Variants in LRRC1 observed in about 807,000 individuals in gnomAD.
LRRC1 encodes the protein leucine rich repeat containing 1.
In LRRC1, 28 loss-of-function variants were observed where a neutral mutation model predicts 69.9. The observed-to-expected ratio is 0.40, with a 90% confidence interval of 0.30 to 0.55. The LOEUF (loss-of-function observed/expected upper bound fraction) is 0.55, where lower values mean the gene tolerates loss of function less well. Among genes scored for constraint, LRRC1 ranks in the 20% least tolerant of loss-of-function variants. The pLI is 0.47. For synonymous variants in LRRC1, 236 were observed against 240.2 expected, an observed-to-expected ratio of 0.98 and a Z score of 0.16; for missense variants, 498 against 609.0, an observed-to-expected ratio of 0.82 and a Z score of 1.92.
intron 1 of LRRC1, among the ~76,000 whole-genome samples, chr6:53,836,176 G>C (rs3001007): frequency 0.27 from 40,315 of 152,074 alleles, 5,485 homozygotes; most frequent in African/African-American, 0.29. Context: ...ACATAGCAGT[G>C]AGGCCAGCAT....
chr6:53,920,886 T>C, intron 13 of LRRC1, 125 bp downstream of exon 13: 1 of 1,105,492 alleles, frequency 9.0e-7, no homozygotes, highest in South Asian at 1.6e-5. Flanking sequence ...CATTTAGGAA[T>C]TTTTTTAGAA....
chr6:53,856,537 T>G (rs1405365027), intron 2 of LRRC1, among the ~76,000 whole-genome samples: 1 of 152,188 alleles, frequency 6.6e-6, no homozygotes, highest in Non-Finnish European at 1.5e-5. Flanking sequence ...TATCTGCATT[T>G]GTCTCAGAAG....
intron 1 of LRRC1, among the ~76,000 whole-genome samples, chr6:53,830,942 A>G (rs1263252469): frequency 3.0e-5 from 1 of 33,566 alleles, no homozygotes; most frequent in Non-Finnish European, 7.0e-5. Context: ...AATAGTTATT[A>G]TAATTTTATA....
intron 10 of LRRC1, 68 bp downstream of exon 10, chr6:53,904,530 A>G: frequency 9.1e-7 from 1 of 1,101,854 alleles, no homozygotes; most frequent in Non-Finnish European, 1.3e-6. Context: ...TAAGGGATCA[A>G]AAATGTCAAA....
chr6:53,862,788 T>A (rs549414269), intron 2 of LRRC1, among the ~76,000 whole-genome samples: 7 of 152,312 alleles, frequency 4.6e-5, no homozygotes, highest in Admixed American at 1.3e-4. Flanking sequence ...TGGAATAATA[T>A]GATAAATGGG....
chr6:53,848,130 C>T (rs1330928167), intron 2 of LRRC1, among the ~76,000 whole-genome samples: 1 of 152,174 alleles, frequency 6.6e-6, no homozygotes, highest in Admixed American at 6.5e-5. Context: ...CAGGAGACAT[C>T]CAGCAAAGGG....
At chr6:53,882,063 G>A (rs1767308659) in intron 3 of LRRC1, among the ~76,000 whole-genome samples, 1 of 152,182 alleles carries the variant, frequency 6.6e-6, no homozygotes, top group Non-Finnish European at 1.5e-5. Context: ...TGTTAAGAAA[G>A]TAGCAGTTGT....
chr6:53,800,948 A>G (rs1764467620), intron 1 of LRRC1, among the ~76,000 whole-genome samples: 1 of 152,192 alleles, frequency 6.6e-6, no homozygotes. Flanking sequence ...CCAATAATAC[A>G]TTTTTTAAAA....
chr6:53,873,282 G>A (rs12661938), intron 2 of LRRC1, among the ~76,000 whole-genome samples: 37,783 of 141,888 alleles, frequency 0.27, 4,926 homozygotes, highest in East Asian at 0.31. Context: ...AAGTGCTACC[G>A]ATTTTTCTTT....
chr6:53,868,261 C>A (rs539802025), intron 2 of LRRC1, among the ~76,000 whole-genome samples: 1 of 148,434 alleles, frequency 6.7e-6, no homozygotes, highest in South Asian at 2.1e-4. Flanking sequence ...TCACTCTGTG[C>A]CTTAGGCTGG....
intron 1 of LRRC1, among the ~76,000 whole-genome samples, chr6:53,837,919 T>C (rs1241617731): frequency 6.6e-6 from 1 of 152,204 alleles, no homozygotes; most frequent in Non-Finnish European, 1.5e-5. Context: ...TGCATATAAT[T>C]GTACAGAATG....
In LRRC1 at chr6:53,795,305, A is replaced by T. The variant is rs146917621; in HGVS notation, c.49A>T (p.Ile17Phe). 55 of 1,613,238 alleles carry T rather than the reference A, an allele frequency of 3.4e-5. No individual in the cohort carries two copies. Among genetic ancestry groups the T allele is most frequent in the Non-Finnish European group, 4.6e-5 (54 of 1,179,916 alleles). The part of the protein sequence containing the change: ...LWRCNRHVES[I>F]DKRHCSLVYV... ...GCGGTGCAACCGTCATGTGGAGAGC[A>T]TCGACAAGCGCCACTGCTCGCTGGT... Residue 17 changes from isoleucine to phenylalanine, a missense_variant, in exon 1 of 14, where the codon ATC becomes TTC. Ile to Phe is a conservative substitution (Grantham distance 21, BLOSUM62 0). Transcript: ENST00000370888.
chr6:53,855,678 G>C (rs894073351), intron 2 of LRRC1, among the ~76,000 whole-genome samples: 2 of 152,166 alleles, frequency 1.3e-5, no homozygotes, highest in Admixed American at 6.5e-5. Context: ...GTGCCCATTT[G>C]ACATTAGCCA....
chr6:53,896,939 A>G, intron 6 of LRRC1, 47 bp downstream of exon 6: 3 of 1,245,208 alleles, frequency 2.4e-6, no homozygotes, highest in Non-Finnish European at 3.5e-6. Context: ...TTTAGTTATG[A>G]TCACACAGTA....
chr6:53,829,830 G>T (rs78769964), intron 1 of LRRC1, among the ~76,000 whole-genome samples: 28,969 of 152,066 alleles, frequency 0.19, 2,993 homozygotes, highest in Middle Eastern at 0.33. Flanking sequence ...GCTTCCTGGT[G>T]CAGGAATGCT....
At chr6:53,855,795 G>T (rs1766291483) in intron 2 of LRRC1, among the ~76,000 whole-genome samples, 2 of 152,150 alleles carry the variant, frequency 1.3e-5, no homozygotes, top group African/African-American at 4.8e-5. Flanking sequence ...TTAGGTCCTT[G>T]CTCTATTCAG....
chr6:53,872,752 CTTTTTT>C (rs537186693), intron 2 of LRRC1, among the ~76,000 whole-genome samples: 3 of 106,404 alleles, frequency 2.8e-5, no homozygotes, highest in South Asian at 3.1e-4. Flanking sequence ...TTTCTTTTCT[CTTTTTT>C]TTTTTTTTTT....
At chr6:53,894,979 G>A (rs368960959) in intron 4 of LRRC1, among the ~76,000 whole-genome samples, 5 of 150,262 alleles carry the variant, frequency 3.3e-5, no homozygotes, top group African/African-American at 7.3e-5. Flanking sequence ...TCGCCCAGGC[G>A]TGATCTCAGC....
intron 10 of LRRC1, among the ~76,000 whole-genome samples, chr6:53,912,772 T>G (rs915362578): frequency 1.3e-5 from 2 of 152,206 alleles, no homozygotes; most frequent in African/African-American, 4.8e-5. Context: ...TATTCAGATA[T>G]CATTGACCAT....
Sources: allele counts gnomAD v4.1 joint callset (sites outside exome capture counted in the v4.1 genomes callset), GRCh38; gene constraint gnomAD v4.1.1; transcripts MANE v1.5; gene names NCBI Gene and HGNC (gene_info 2026-07-23, HGNC 2026-07-21).